The following ARHGEF33 variants were observed in gnomAD, a reference collection of about 807,000 sequenced individuals.
ARHGEF33 encodes DH and coiled-coil domain-containing protein ENSP00000381780.
Under a neutral mutation model 101.9 loss-of-function variants are expected in ARHGEF33, and 72 were observed. The observed-to-expected ratio is 0.71, with a 90% CI of 0.58 to 0.86. ARHGEF33 has a LOEUF of 0.86. ARHGEF33 is among the 40% of genes least tolerant of loss of function. The pLI is 0.00. For missense variants in ARHGEF33, 1,169 were observed against 1,111.3 expected (o/e 1.05, Z -0.74); for synonymous variants, 499 against 442.5 (o/e 1.13, Z -1.60).
intron 16 of ARHGEF33, among the ~76,000 whole-genome samples, chr2:38,964,069 G>A (rs1668002950): frequency 1.3e-5 from 2 of 152,150 alleles, no homozygotes; most frequent in Admixed American, 1.3e-4. Context: ...GGTCCCATCT[G>A]GGGGTGATGG....
chr2:38,921,558 G>C, intron 4 of ARHGEF33, 135 bp downstream of exon 4: 2 of 669,294 alleles, frequency 3.0e-6, no homozygotes, highest in Non-Finnish European at 5.4e-6. Flanking sequence ...ACAGGGCTGT[G>C]AGACAGGCAC....
At chr2:38,923,204 T>C (rs1666799043) in intron 4 of ARHGEF33, among the ~76,000 whole-genome samples, 1 of 152,182 alleles carries the variant, frequency 6.6e-6, no homozygotes, top group African/African-American at 2.4e-5. Context: ...GGAAGTGAAG[T>C]TGGTCTATAT....
At chr2:38,950,839 C>A in intron 10 of ARHGEF33, 150 bp from the exon 11 acceptor site, 1 of 666,454 alleles carries the variant, frequency 1.5e-6, no homozygotes, top group Non-Finnish European at 2.5e-6. Flanking sequence ...ATTAGGTGTG[C>A]AATGAAAAAC....
chr2:38,920,336 A>G (rs1398760374), intron 3 of ARHGEF33, among the ~76,000 whole-genome samples: 3 of 149,952 alleles, frequency 2.0e-5, no homozygotes, highest in Non-Finnish European at 4.4e-5. Flanking sequence ...TGAAAAGTAC[A>G]TTCCAGGCCA....
chr2:38,891,144 G>A (rs1649861891), intron 1 of ARHGEF33, among the ~76,000 whole-genome samples: 1 of 151,988 alleles, frequency 6.6e-6, no homozygotes, highest in African/African-American at 2.4e-5. Flanking sequence ...ATGTTGCTCA[G>A]GTTGGTCTTG....
At position 38,957,140 on chromosome 2, in the gene ARHGEF33, T is replaced by C. The variant is rs1364402814; in HGVS notation, c.1370+93T>C. 3.5e-6 allele frequency: 5 copies of C among 1,434,756 alleles called. No homozygotes were observed. In the African/African-American group the frequency reaches 4.3e-5, roughly 12 times the overall value. The allele number at this position is 1,434,756 out of a possible 1,614,324, so 88.9% of individuals were successfully genotyped here. A position where few individuals can be genotyped will look rare whatever the true frequency, so the allele number is the denominator to read the frequency against. ...CACGTTGTGTGTTAAGTACCTGAAA[T>C]GCAGTGGTGGGAGGTAGAAGGAAAG... is the stretch of plus-strand genomic sequence containing the variant. On this transcript the variant is annotated intron_variant, in intron 14 of 17. Transcript: ENST00000409978.
chr2:38,947,178 A>G (rs1314302289), intron 10 of ARHGEF33, among the ~76,000 whole-genome samples: 1 of 152,210 alleles, frequency 6.6e-6, no homozygotes, highest in Non-Finnish European at 1.5e-5. Flanking sequence ...CTCCACTGCA[A>G]GTACAACTTG....
chr2:38,911,570 T>G (rs1666510423), intron 2 of ARHGEF33, among the ~76,000 whole-genome samples: 1 of 152,204 alleles, frequency 6.6e-6, no homozygotes, highest in African/African-American at 2.4e-5. Flanking sequence ...TTCTTTAGGT[T>G]TCTGTTAACT....
At chr2:38,896,504 C>T (rs1423194301) in intron 2 of ARHGEF33, among the ~76,000 whole-genome samples, 1 of 152,204 alleles carries the variant, frequency 6.6e-6, no homozygotes. Context: ...ACAACATCTA[C>T]TTTCCATTGA....
intron 4 of ARHGEF33, among the ~76,000 whole-genome samples, chr2:38,924,280 T>C (rs1439948290): frequency 1.3e-5 from 2 of 152,218 alleles, no homozygotes. Context: ...ATGTGTGTAA[T>C]TGTTAGAAAC....
chr2:38,903,588 G>A (rs1336326888), intron 2 of ARHGEF33, among the ~76,000 whole-genome samples: 2 of 152,118 alleles, frequency 1.3e-5, no homozygotes, highest in African/African-American at 2.4e-5. Context: ...AGGCAGTAAG[G>A]ATTCTAAGGT....
chr2:38,909,331 T>A (rs986829233), intron 2 of ARHGEF33, among the ~76,000 whole-genome samples: 23 of 150,574 alleles, frequency 1.5e-4, no homozygotes, highest in South Asian at 2.1e-4. Flanking sequence ...TTAAAAAAAA[T>A]TTTTTTTTTA....
At chr2:38,893,276 C>T (rs1666047313) in intron 1 of ARHGEF33, among the ~76,000 whole-genome samples, 1 of 152,066 alleles carries the variant, frequency 6.6e-6, no homozygotes, top group Non-Finnish European at 1.5e-5. Flanking sequence ...AATTCTCCTG[C>T]CTCAGCCTCC....
chr2:38,944,044 C>T lies in ARHGEF33; in HGVS notation c.920+14C>T. 6.5e-7 allele frequency: 1 copy of T among 1,535,916 alleles called. No individual in the cohort carries two copies. The highest frequency in any genetic ancestry group is 1.2e-5 in the South Asian group (1 of 80,792). The stretch of plus-strand genomic sequence containing the variant: ...CAAAGAGAGAAGGTATCCATGCACT[C>T]ATTGCCTTTGCTTTTCAGATTGATT... On this transcript the variant is annotated intron_variant, in intron 10 of 17. Transcript: ENST00000409978.
At chr2:38,923,119 A>T (rs1015611960) in intron 4 of ARHGEF33, among the ~76,000 whole-genome samples, 1 of 152,196 alleles carries the variant, frequency 6.6e-6, no homozygotes, top group Non-Finnish European at 1.5e-5. Flanking sequence ...ATATAGCTGC[A>T]GTGGGGGTGG....
At chr2:38,890,431 A>G (rs1665970382) in intron 1 of ARHGEF33, among the ~76,000 whole-genome samples, 1 of 152,214 alleles carries the variant, frequency 6.6e-6, no homozygotes, top group South Asian at 2.1e-4. Context: ...GAAAAAGAAT[A>G]GGGGAATCTT....
chr2:38,931,041 C>A (rs1666987449), intron 6 of ARHGEF33, 68 bp from the exon 7 acceptor site: 1 of 1,245,064 alleles, frequency 8.0e-7, no homozygotes, highest in African/African-American at 1.5e-5. Flanking sequence ...TTGTTCTGAA[C>A]TGAATCTCCT....
At chr2:38,962,421 G>C (rs574088735) in intron 16 of ARHGEF33, among the ~76,000 whole-genome samples, 1 of 152,234 alleles carries the variant, frequency 6.6e-6, no homozygotes, top group African/African-American at 2.4e-5. Context: ...CCATTAATCA[G>C]AAATATATCT....
At chr2:38,942,381 C>T (rs1667334677) in intron 9 of ARHGEF33, among the ~76,000 whole-genome samples, 2 of 151,336 alleles carry the variant, frequency 1.3e-5, no homozygotes, top group African/African-American at 4.8e-5. Flanking sequence ...TGGCAAGTCT[C>T]GACGTCTTGA....
Sources: allele counts gnomAD v4.1 joint callset (sites outside exome capture counted in the v4.1 genomes callset), GRCh38; gene constraint gnomAD v4.1.1; transcripts MANE v1.5; gene names NCBI Gene and HGNC (gene_info 2026-07-23, HGNC 2026-07-21).